HHAT: variants seen among roughly 807,000 people sequenced by gnomAD.
The protein encoded by HHAT is hedgehog acyltransferase, also known as protein-cysteine N-palmitoyltransferase HHAT.
Under a neutral mutation model 70.8 loss-of-function variants are expected in HHAT, and 47 were observed. The ratio of observed to expected loss-of-function variants is 0.66; its 90% CI spans 0.53 to 0.85. The LOEUF (loss-of-function observed/expected upper bound fraction) is 0.85. Ranked by LOEUF, HHAT falls within the 40% of genes least tolerant of loss-of-function variation. HHAT has a pLI of 0.00. For missense variants in HHAT, 609 were observed against 604.8 expected, an observed-to-expected ratio of 1.01 and a Z score of -0.07; for synonymous variants, 228 against 247.6, an observed-to-expected ratio of 0.92 and a Z score of 0.74.
intron 11 of HHAT, chr1:210,631,095 ACCTTTGTT>A (rs1198991403): frequency 2.2e-6 from 1 of 456,556 alleles, no homozygotes; most frequent in East Asian, 6.9e-5. Flanking sequence ...GGTACTGGCT[ACCTTTGTT>A]CCCAACTATT....
At chr1:210,331,380 G>A (rs2084971638) in intron 1 of HHAT, among the ~76,000 whole-genome samples, 1 of 152,188 alleles carries the variant, frequency 6.6e-6, no homozygotes. Flanking sequence ...GGAAATGGAA[G>A]CAGGCTTTTC....
chr1:210,465,076 C>G (rs1003387098), intron 8 of HHAT, among the ~76,000 whole-genome samples: 2 of 152,152 alleles, frequency 1.3e-5, no homozygotes, highest in Admixed American at 1.3e-4. Flanking sequence ...TTTACTAAAT[C>G]TAAGTTTCAT....
At chr1:210,349,543 G>A (rs565357379) in intron 2 of HHAT, among the ~76,000 whole-genome samples, 2 of 152,122 alleles carry the variant, frequency 1.3e-5, no homozygotes, top group South Asian at 4.2e-4. Flanking sequence ...GTTTGGCAAG[G>A]AGCACTAGTC....
intron 10 of HHAT, among the ~76,000 whole-genome samples, chr1:210,604,048 G>A (rs1283254401): frequency 6.6e-6 from 1 of 152,110 alleles, no homozygotes; most frequent in Non-Finnish European, 1.5e-5. Context: ...CCATCAAACT[G>A]ACTGCAGCTA....
chr1:210,428,332 AT>A (rs1291539755), intron 7 of HHAT, among the ~76,000 whole-genome samples: 1 of 54,912 alleles, frequency 1.8e-5, no homozygotes, highest in African/African-American at 6.0e-5. Context: ...ATATATATAT[AT>A]ATATATATAT....
At chr1:210,398,186 A>G (rs1282410728) in intron 4 of HHAT, among the ~76,000 whole-genome samples, 3 of 152,250 alleles carry the variant, frequency 2.0e-5, no homozygotes, top group Non-Finnish European at 2.9e-5. Context: ...ATGAAAATCA[A>G]CATTTTAGTG....
At chr1:210,593,895 C>T (rs1306621057) in intron 10 of HHAT, among the ~76,000 whole-genome samples, 2 of 152,058 alleles carry the variant, frequency 1.3e-5, no homozygotes, top group Non-Finnish European at 2.9e-5. Context: ...CTGAATTGAT[C>T]CCTTTATCAT....
chr1:210,516,008 T>C (rs1004872321), intron 9 of HHAT, among the ~76,000 whole-genome samples: 3 of 151,912 alleles, frequency 2.0e-5, no homozygotes, highest in Non-Finnish European at 4.4e-5. Context: ...AGGCCAAAGC[T>C]GCAGTGAGCC....
In HHAT at chr1:210,660,093, G is replaced by A. The variant is rs2148957285; in HGVS notation, c.1391-14195G>A. Among the ~76,000 whole-genome samples, 9 of 152,146 alleles carry A rather than the reference G, an allele frequency of 5.9e-5. 1 individual carries two copies. The South Asian group carries it at 1.9e-3, about 32-fold the overall frequency. ...GGGCAATCAGGAGAAAGAAATAAAG[G>A]GTATTCAATTAGGAAAAGAGGAAGT... On this transcript the variant is annotated intron_variant, in intron 11 of 11. Transcript: ENST00000261458.
At chr1:210,526,307 C>G (rs568640162) in intron 9 of HHAT, among the ~76,000 whole-genome samples, 1 of 151,206 alleles carries the variant, frequency 6.6e-6, no homozygotes, top group South Asian at 2.1e-4. Flanking sequence ...GCTCTCAGGC[C>G]CTGTCAGAGA....
chr1:210,569,741 C>T (rs1655766504), intron 9 of HHAT, among the ~76,000 whole-genome samples: 1 of 152,250 alleles, frequency 6.6e-6, no homozygotes, highest in East Asian at 1.9e-4. Context: ...CTCTATGCAC[C>T]TGTCCCTGGG....
intron 10 of HHAT, among the ~76,000 whole-genome samples, chr1:210,590,842 A>G (rs1444889424): frequency 2.6e-5 from 4 of 152,174 alleles, no homozygotes. Context: ...TTCATGGTGT[A>G]TATCCTTCAT....
chr1:210,453,570 G>C (rs770969929), intron 7 of HHAT, among the ~76,000 whole-genome samples: 1 of 151,772 alleles, frequency 6.6e-6, no homozygotes, highest in Non-Finnish European at 1.5e-5. Context: ...AGAATACCAT[G>C]ATCTTTGTTC....
chr1:210,371,541 G>C (rs2089571917), intron 3 of HHAT, among the ~76,000 whole-genome samples: 1 of 152,148 alleles, frequency 6.6e-6, no homozygotes, highest in South Asian at 2.1e-4. Flanking sequence ...ATCTGTCTCT[G>C]CTAAGCAAGC....
At chr1:210,612,575 C>A (rs1666817913) in intron 10 of HHAT, among the ~76,000 whole-genome samples, 1 of 152,110 alleles carries the variant, frequency 6.6e-6, no homozygotes, top group South Asian at 2.1e-4. Flanking sequence ...TTGCTTCCAC[C>A]TTTTGCCTAT....
At chr1:210,386,214 G>A in intron 3 of HHAT, among the ~76,000 whole-genome samples, 1 of 131,194 alleles carries the variant, frequency 7.6e-6, no homozygotes, top group Admixed American at 8.0e-5. Context: ...CATTGCAGGA[G>A]TCCTTTTCTT....
intron 9 of HHAT, among the ~76,000 whole-genome samples, chr1:210,584,892 G>T (rs879893900): frequency 1.3e-5 from 2 of 152,196 alleles, no homozygotes; most frequent in Admixed American, 1.3e-4. Context: ...CATAATGCCA[G>T]GAATTCCCTG....
At chr1:210,449,377 C>A (rs187726623) in intron 7 of HHAT, among the ~76,000 whole-genome samples, 1 of 151,938 alleles carries the variant, frequency 6.6e-6, no homozygotes, top group Admixed American at 6.6e-5. Flanking sequence ...TAAAGTCGTG[C>A]TTCGTGGCTG....
At chr1:210,473,142 A>G (rs2094236338) in intron 8 of HHAT, among the ~76,000 whole-genome samples, 1 of 152,226 alleles carries the variant, frequency 6.6e-6, no homozygotes, top group Non-Finnish European at 1.5e-5. Context: ...TTGCAGGGTC[A>G]TTTCAAAATA....
Sources: gnomAD v4.1 joint callset for allele counts (sites outside exome capture counted in the v4.1 genomes callset) on GRCh38, gnomAD v4.1.1 for gene constraint, MANE v1.5 for transcripts, NCBI Gene and HGNC (gene_info 2026-07-23, HGNC 2026-07-21) for gene names.